Variants in FGF14 observed in about 807,000 individuals in gnomAD.
FGF14 encodes the protein fibroblast growth factor 14.
Under a neutral mutation model 25.5 loss-of-function variants are expected in FGF14, and 5 were observed. That is an observed-to-expected ratio of 0.20 (90% CI 0.10 to 0.41). FGF14 has a LOEUF of 0.41. FGF14 is among the 10% of genes least tolerant of loss of function. FGF14 has a pLI of 1.00. For synonymous variants in FGF14, 138 were observed against 118.3 expected (o/e 1.17, Z -1.08); for missense variants, 222 against 320.1 (o/e 0.69, Z 2.34).
intron 1 of FGF14, among the ~76,000 whole-genome samples, chr13:102,227,885 G>A (rs1239688240): frequency 6.6e-5 from 10 of 152,022 alleles, no homozygotes; most frequent in Admixed American, 6.6e-5. Flanking sequence ...GCTGAGCTAC[G>A]TAAACCACCC....
chr13:102,207,974 C>T (rs9518657), intron 1 of FGF14, among the ~76,000 whole-genome samples: 59,536 of 151,948 alleles, frequency 0.39, 13,287 homozygotes, highest in African/African-American at 0.62. Context: ...CTTTGATTTA[C>T]AGAGGAAAAA....
intron 1 of FGF14, among the ~76,000 whole-genome samples, chr13:101,909,105 G>A (rs559013888): frequency 6.6e-6 from 1 of 152,282 alleles, no homozygotes; most frequent in East Asian, 1.9e-4. Flanking sequence ...ATGGATTAAA[G>A]ACTTAAACTT....
intron 1 of FGF14, among the ~76,000 whole-genome samples, chr13:102,100,052 C>T (rs2044586271): frequency 6.6e-6 from 1 of 152,072 alleles, no homozygotes; most frequent in African/African-American, 2.4e-5. Flanking sequence ...AAGATAAAAG[C>T]TAGGTTTTTC....
intron 1 of FGF14, among the ~76,000 whole-genome samples, chr13:102,124,349 G>T (rs2045861193): frequency 6.6e-6 from 1 of 151,206 alleles, no homozygotes; most frequent in South Asian, 2.1e-4. Flanking sequence ...AAAATAAGCA[G>T]TAATTTTGAC....
intron 1 of FGF14, among the ~76,000 whole-genome samples, chr13:102,207,705 G>C (rs1256809369): frequency 6.7e-6 from 1 of 148,302 alleles, no homozygotes; most frequent in East Asian, 2.0e-4. Context: ...TGAATGTTTT[G>C]AAGGTGAAAA....
chr13:102,017,934 T>C (rs1416464341), intron 1 of FGF14, among the ~76,000 whole-genome samples: 4 of 152,130 alleles, frequency 2.6e-5, no homozygotes, highest in African/African-American at 9.7e-5. Context: ...TTTCCAACAC[T>C]CCTGGATGGG....
At position 102,400,179 on chromosome 13, in the gene FGF14, G is replaced by T. The variant is rs1307482068; in HGVS notation, c.208+1292C>A. Among the ~76,000 whole-genome samples the T allele has an allele frequency of 1.3e-5, 2 of 152,098 alleles. No individual in the cohort carries two copies. The highest frequency in any genetic ancestry group is 1.3e-4 in the Admixed American group (2 of 15,286). ...GGCTGGAGGGCAGCAGCCACTTGCT[G>T]CCCCAGTCGCTGGGGCTCTGGGTGC... On this transcript the variant is annotated intron_variant, in intron 1 of 4. Transcript: ENST00000376131. This position sits in a 1 kb window ranked among gnomAD's most constrained non-coding sequence, Gnocchi z 4.3.
chr13:102,361,481 C>A (rs2057563298), intron 1 of FGF14, among the ~76,000 whole-genome samples: 1 of 152,164 alleles, frequency 6.6e-6, no homozygotes, highest in South Asian at 2.1e-4. Context: ...TCCAGCCAAG[C>A]TGTGTTGGTT....
intron 1 of FGF14, among the ~76,000 whole-genome samples, chr13:102,334,701 G>A (rs2056739815): frequency 6.6e-6 from 1 of 152,182 alleles, no homozygotes; most frequent in Non-Finnish European, 1.5e-5. Context: ...CAGTATTTAT[G>A]AACTCAAATA....
At chr13:101,968,902 G>C (rs1441906823) in intron 1 of FGF14, among the ~76,000 whole-genome samples, 1 of 140,952 alleles carries the variant, frequency 7.1e-6, no homozygotes, top group Non-Finnish European at 1.5e-5. Context: ...GTTGAAAAAA[G>C]CTGGGGGTTT....
rs1003513111 is a variant in FGF14, at chr13:101,720,016, C to T, written c.*2815G>A. The stretch of plus-strand genomic sequence containing the variant: ...CTCTATATTGGTGAGTAATGCAATG[C>T]CATTTTGTTACATAAAGTTGTTTGA... On this transcript the variant is annotated 3_prime_UTR_variant, in exon 5 of 5. Coordinates refer to ENST00000376143, the MANE Select transcript of FGF14 (RefSeq NM_004115.4). 2 of 151,968 alleles carry T rather than the reference C, an allele frequency of 1.3e-5. No homozygotes were observed. Among genetic ancestry groups the T allele is most frequent in the Non-Finnish European group, 2.9e-5 (2 of 67,990 alleles). The allele number at this position is 151,968 out of a possible 1,614,324, so 9.4% of individuals were successfully genotyped here. A position where few individuals can be genotyped will look rare whatever the true frequency, so the allele number is the denominator to read the frequency against.
At position 102,339,183 on chromosome 13, in the gene FGF14, T is replaced by A. The variant is rs374548993; in HGVS notation, c.208+62288A>T. Reference sequence around the variant, plus strand: ...CACACCGCATGCCTGTATCAGAACATCTCACGTACCCCATAAATATATATA... The same window carrying A: ...CACACCGCATGCCTGTATCAGAACAACTCACGTACCCCATAAATATATATA... On this transcript the variant is annotated intron_variant, in intron 1 of 4. Transcript: ENST00000376131. Among the ~76,000 whole-genome samples the A allele has an allele frequency of 2.2e-4, 34 of 152,024 alleles. No homozygotes were observed. The East Asian group carries it at 5.4e-3, about 24-fold the overall frequency.
chr13:101,872,902 T>A (rs2140468440), intron 2 of FGF14, among the ~76,000 whole-genome samples: 1 of 152,226 alleles, frequency 6.6e-6, no homozygotes, highest in Non-Finnish European at 1.5e-5. Context: ...TTTCTTCTGA[T>A]TTGCTTTTAC....
intron 1 of FGF14, among the ~76,000 whole-genome samples, chr13:101,948,854 T>A (rs1377606368): frequency 6.6e-6 from 1 of 152,234 alleles, no homozygotes; most frequent in African/African-American, 2.4e-5. Flanking sequence ...TTGAATTTTT[T>A]AAATACAAAC....
At chr13:102,387,708 G>GC (rs111577425) in intron 1 of FGF14, among the ~76,000 whole-genome samples, 1 of 148,214 alleles carries the variant, frequency 6.7e-6, no homozygotes, top group Non-Finnish European at 1.5e-5. Context: ...CCACTAGGCA[G>GC]TTTTTTTTTT....
chr13:102,270,370 A>C (rs1209994443), intron 1 of FGF14, among the ~76,000 whole-genome samples: 1 of 152,142 alleles, frequency 6.6e-6, no homozygotes, highest in African/African-American at 2.4e-5. Context: ...AATAAATCAT[A>C]TTTCAAAATC....
At chr13:102,376,967 C>T (rs2058054559) in intron 1 of FGF14, among the ~76,000 whole-genome samples, 1 of 152,118 alleles carries the variant, frequency 6.6e-6, no homozygotes, top group South Asian at 2.1e-4. Context: ...GTGAGAAATG[C>T]GCTTATTGGG....
intron 3 of FGF14, among the ~76,000 whole-genome samples, chr13:101,727,839 A>G (rs1395229941): frequency 6.6e-6 from 1 of 152,156 alleles, no homozygotes; most frequent in East Asian, 1.9e-4. Flanking sequence ...ATATGTATAT[A>G]AAATATAGAT....
At chr13:102,061,341 T>A (rs923699164) in intron 1 of FGF14, among the ~76,000 whole-genome samples, 20 of 152,204 alleles carry the variant, frequency 1.3e-4, no homozygotes, top group Non-Finnish European at 2.9e-5. Context: ...CACTGGACTC[T>A]AGATGCCGCC....
Sources: gnomAD v4.1 joint callset for allele counts (sites outside exome capture counted in the v4.1 genomes callset) on GRCh38, gnomAD v4.1.1 for gene constraint, Gnocchi (gnomAD v3.1) non-coding constraint, MANE v1.5 for transcripts, NCBI Gene and HGNC (gene_info 2026-07-23, HGNC 2026-07-21) for gene names.